RHOQ: variants seen among roughly 807,000 people sequenced by gnomAD.
RHOQ encodes the protein rho-related GTP-binding protein RhoQ.
A neutral mutation model predicts 25.8 loss-of-function variants in RHOQ; 7 were observed. The observed-to-expected ratio is 0.27, with a 90% confidence interval of 0.15 to 0.51. The LOEUF is 0.51. Ranked by LOEUF, RHOQ falls within the 20% of genes least tolerant of loss-of-function variation. RHOQ has a pLI of 0.97. For missense variants in RHOQ, 165 were observed against 260.6 expected, an observed-to-expected ratio of 0.63 and a Z score of 2.53; for synonymous variants, 97 against 98.6, an observed-to-expected ratio of 0.98 and a Z score of 0.10.
intron 2 of RHOQ, among the ~76,000 whole-genome samples, chr2:46,564,732 G>A (rs1283425261): frequency 6.6e-6 from 1 of 152,230 alleles, no homozygotes; most frequent in Non-Finnish European, 1.5e-5. Flanking sequence ...TCTATTAAAA[G>A]GATGTGTGTA....
Position 46,556,077 on chromosome 2 carries a change from C to T in RHOQ, c.201+12265C>T, listed in dbSNP as rs187045404. On this transcript the variant is annotated intron_variant, in intron 2 of 4. Transcript: ENST00000238738. This position sits in a 1 kb window ranked among gnomAD's most constrained non-coding sequence, Gnocchi z 4.9. The stretch of plus-strand genomic sequence containing the variant: ...TCACTCCCCACCATTCCTCCTCCCC[C>T]GTCTCCTGGCAACCACTAATCTGTC... Among the ~76,000 whole-genome samples, 13 of 152,266 alleles carry T rather than the reference C, an allele frequency of 8.5e-5. No individual in the cohort carries two copies. The highest frequency in any genetic ancestry group is 2.0e-4 in the Admixed American group (3 of 15,304).
chr2:46,543,488 C>A, intron 1 of RHOQ: 1 of 600,480 alleles, frequency 1.7e-6, no homozygotes, highest in South Asian at 2.0e-5. Context: ...GCCCCAAGGC[C>A]CCGGGGGAAA....
chr2:46,546,474 GTGTATATATATA>G (rs1191508793), intron 2 of RHOQ, among the ~76,000 whole-genome samples: 22 of 16,946 alleles, frequency 1.3e-3, no homozygotes, highest in South Asian at 3.1e-3. Flanking sequence ...ATATATATAT[GTGTATATATATA>G]TATATATATA....
Position 46,576,334 on chromosome 2 carries a change from G to A in RHOQ, c.366+83G>A. Reference sequence around the variant, plus strand: ...CTGCTCTCAGACAAACAGTCCCAAAGCTGAGCAAATGATGTAAGTGTTTAA... The same window carrying A: ...CTGCTCTCAGACAAACAGTCCCAAAACTGAGCAAATGATGTAAGTGTTTAA... On this transcript the variant is annotated intron_variant, in intron 3 of 4. Coordinates refer to ENST00000238738, the MANE Select transcript of RHOQ (RefSeq NM_012249.4). The surrounding 1 kb of genome is among the most constrained non-coding windows in gnomAD (Gnocchi z 5.1). 1 of 1,215,340 alleles carries A rather than the reference G, an allele frequency of 8.2e-7. No homozygotes were observed. Among genetic ancestry groups the A allele is most frequent in the Non-Finnish European group, 1.2e-6 (1 of 858,160 alleles). 75.3% of individuals were successfully genotyped at this position (1,215,340 alleles called of 1,614,324 possible).
chr2:46,577,565 ATTTTT>A (rs908178158), intron 4 of RHOQ, among the ~76,000 whole-genome samples: 2 of 64,958 alleles, frequency 3.1e-5, no homozygotes, highest in Non-Finnish European at 6.1e-5. Flanking sequence ...ACACCCGGCT[ATTTTT>A]TTTTTTTTTT....
Position 46,553,427 on chromosome 2 carries a change from A to G in RHOQ, c.201+9615A>G, listed in dbSNP as rs1668304034. Among the ~76,000 whole-genome samples, 5 of 152,344 alleles carry G rather than the reference A, an allele frequency of 3.3e-5. No individual in the cohort carries two copies. The South Asian group carries it at 1.0e-3, about 32-fold the overall frequency. On this transcript the variant is annotated intron_variant, in intron 2 of 4. Transcript: ENST00000238738. The stretch of plus-strand genomic sequence containing the variant: ...CAGGCATGCAATGTGAAATAAGCAC[A>G]TCATGGAGAATAGGGTATCCATCCC...
chr2:46,561,656 AT>A lies in RHOQ; in HGVS notation c.202-14429del, dbSNP rs375016378. Among the ~76,000 whole-genome samples, 1,078 of 152,152 alleles carry A rather than the reference AT, an allele frequency of 7.1e-3. 15 individuals carry two copies. Among genetic ancestry groups the A allele is most frequent in the African/African-American group, 0.025 (1,048 of 41,462 alleles). On this transcript the variant is annotated intron_variant, in intron 2 of 4. Transcript: ENST00000238738. Reference sequence around the variant, plus strand: ...TTTTCTGTTTGTCAAGGGCAGATGTATTCTCTCCACTCTGAATCCCTGTGGC... The same window carrying A: ...TTTTCTGTTTGTCAAGGGCAGATGTATCTCTCCACTCTGAATCCCTGTGGC...
At chr2:46,567,363 A>G (rs1191523066) in intron 2 of RHOQ, among the ~76,000 whole-genome samples, 2 of 152,028 alleles carry the variant, frequency 1.3e-5, no homozygotes, top group African/African-American at 4.8e-5. Context: ...GATGGTAAGT[A>G]AATCCTGTGA....
chr2:46,561,365 A>G (rs1173306019), intron 2 of RHOQ, among the ~76,000 whole-genome samples: 2 of 152,036 alleles, frequency 1.3e-5, no homozygotes, highest in African/African-American at 4.8e-5. Flanking sequence ...AGGCCAAGAA[A>G]AGAGCACAGA....
chr2:46,572,591 TTTCA>T lies in RHOQ; in HGVS notation c.202-3493_202-3490del, dbSNP rs1479109918. 9.8e-6 allele frequency: 3 copies of T among 306,230 alleles called. No individual in the cohort carries two copies. The East Asian group carries it at 2.5e-4, about 25-fold the overall frequency. The allele number at this position is 306,230 out of a possible 1,614,324, so 19.0% of individuals were successfully genotyped here. A position where few individuals can be genotyped will look rare whatever the true frequency, so the allele number is the denominator to read the frequency against. ...CCATGCTGACTAAACTCACCAGTTC[TTTCA>T]TTGTTTTGATGTTGAACAGCTGTCT... On this transcript the variant is annotated intron_variant, in intron 2 of 4. Transcript: ENST00000238738.
intron 2 of RHOQ, among the ~76,000 whole-genome samples, chr2:46,574,913 C>T (rs1669060001): frequency 1.3e-5 from 2 of 152,136 alleles, no homozygotes; most frequent in South Asian, 2.1e-4. Flanking sequence ...TGTAGTGAAA[C>T]GAGTCATTTA....
intron 4 of RHOQ, among the ~76,000 whole-genome samples, chr2:46,579,155 A>C (rs1411710676): frequency 1.3e-5 from 2 of 152,218 alleles, no homozygotes; most frequent in Non-Finnish European, 2.9e-5. Context: ...TCTCATTTCT[A>C]GACTCATCAG....
intron 2 of RHOQ, among the ~76,000 whole-genome samples, chr2:46,553,173 G>A (rs1418283870): frequency 6.6e-6 from 1 of 152,130 alleles, no homozygotes; most frequent in Non-Finnish European, 1.5e-5. Context: ...AACTTTCAGA[G>A]TCACTGAATT....
At chr2:46,565,297 G>A (rs1376704473) in intron 2 of RHOQ, among the ~76,000 whole-genome samples, 1 of 151,926 alleles carries the variant, frequency 6.6e-6, no homozygotes, top group African/African-American at 2.4e-5. Context: ...AAGGGGTGGT[G>A]GGTCCTGCAC....
intron 2 of RHOQ, among the ~76,000 whole-genome samples, chr2:46,561,950 T>C (rs1205406777): frequency 9.2e-5 from 14 of 152,228 alleles, no homozygotes. Flanking sequence ...CATTCCACTG[T>C]TCTCATGACA....
At chr2:46,573,065 ATT>A (rs35844392) in intron 2 of RHOQ, among the ~76,000 whole-genome samples, 9,917 of 142,918 alleles carry the variant, frequency 0.069, 447 homozygotes, top group African/African-American at 0.14. Context: ...CTAACTGCCG[ATT>A]TTTTTTTTTT....
At chr2:46,567,066 A>C (rs1668757158) in intron 2 of RHOQ, among the ~76,000 whole-genome samples, 1 of 152,246 alleles carries the variant, frequency 6.6e-6, no homozygotes, top group African/African-American at 2.4e-5. Flanking sequence ...TCTATAGATA[A>C]TATAACCTCC....
At chr2:46,544,881 A>G (rs1667997882) in intron 2 of RHOQ, among the ~76,000 whole-genome samples, 1 of 152,258 alleles carries the variant, frequency 6.6e-6, no homozygotes, top group Admixed American at 6.5e-5. Context: ...ATTGTATGGC[A>G]AATGTTTAGC....
intron 2 of RHOQ, among the ~76,000 whole-genome samples, chr2:46,570,906 A>G (rs1215947664): frequency 2.0e-5 from 3 of 152,226 alleles, no homozygotes; most frequent in Non-Finnish European, 4.4e-5. Context: ...GTTTTGATAA[A>G]TGACTATTTC....
Sources: gnomAD v4.1 joint callset for allele counts (sites outside exome capture counted in the v4.1 genomes callset) on GRCh38, gnomAD v4.1.1 for gene constraint, Gnocchi (gnomAD v3.1) non-coding constraint, MANE v1.5 for transcripts, NCBI Gene and HGNC (gene_info 2026-07-23, HGNC 2026-07-21) for gene names.